Variants in SV2C observed in about 807,000 individuals in gnomAD.
The protein encoded by SV2C is synaptic vesicle glycoprotein 2C.
SV2C carries 49 observed loss-of-function variants against 79.7 expected under a neutral mutation model. That is an observed-to-expected ratio of 0.61 (90% CI 0.49 to 0.78). The LOEUF (loss-of-function observed/expected upper bound fraction) is 0.78, where lower values mean the gene tolerates loss of function less well. Ranked by LOEUF, SV2C falls within the 30% of genes least tolerant of loss-of-function variation. The pLI is 0.00. For missense variants in SV2C, 833 were observed against 912.9 expected, an observed-to-expected ratio of 0.91 and a Z score of 1.13; for synonymous variants, 334 against 333.2, an observed-to-expected ratio of 1.00 and a Z score of -0.03.
At chr5:76,263,796 C>G (rs1295646671) in intron 4 of SV2C, among the ~76,000 whole-genome samples, 2 of 151,958 alleles carry the variant, frequency 1.3e-5, no homozygotes, top group African/African-American at 4.8e-5. Context: ...CTCCCACTCT[C>G]TTCCGGTGAG....
chr5:76,132,471 T>C, intron 2 of SV2C, 141 bp downstream of exon 2: 1 of 809,918 alleles, frequency 1.2e-6, no homozygotes, highest in Admixed American at 3.3e-5. Flanking sequence ...ACTTTAAGCA[T>C]ACAAAAGAAT....
At chr5:76,073,170 A>C in the SV2C span, among the ~76,000 whole-genome samples, 71 of 152,250 alleles carry the variant, frequency 4.7e-4, no homozygotes, top group African/African-American at 1.7e-3. Flanking sequence ...TGCTTAAGCC[A>C]ATGTCTAGAA....
chr5:75,901,241 G>A, the SV2C span, among the ~76,000 whole-genome samples: 1 of 152,106 alleles, frequency 6.6e-6, no homozygotes, highest in African/African-American at 2.4e-5. Flanking sequence ...CTTTGATGAT[G>A]GTGATGTACA....
At chr5:76,077,595 A>G in the SV2C span, among the ~76,000 whole-genome samples, 10 of 152,216 alleles carry the variant, frequency 6.6e-5, no homozygotes, top group Non-Finnish European at 1.3e-4. Flanking sequence ...AATTTTGGAA[A>G]GGAAATGGGG....
chr5:76,075,012 A>G, the SV2C span, among the ~76,000 whole-genome samples: 5 of 152,262 alleles, frequency 3.3e-5, no homozygotes, highest in East Asian at 7.7e-4. Context: ...AAAAGTCTCT[A>G]ACTTAAAGTG....
rs1225615679 is a variant in SV2C at position 76,241,988 on chromosome 5, C to T, written c.913+32101C>T. ...AAAATAGTATTTCAAACTGTACAGT[C>T]ACCAGAAGTACACAGTTATCAAAAA... On this transcript the variant is annotated intron_variant, in intron 4 of 12. Coordinates refer to ENST00000502798, the MANE Select transcript of SV2C (RefSeq NM_014979.4). 3 of 1,051,528 alleles carry T rather than the reference C, an allele frequency of 2.9e-6. No individual in the cohort carries two copies. In the Admixed American group the frequency reaches 5.1e-5, roughly 18 times the overall value. The allele number at this position is 1,051,528 out of a possible 1,614,324, so 65.1% of individuals were successfully genotyped here.
At chr5:76,314,237 T>A (rs1458930664) in intron 12 of SV2C, among the ~76,000 whole-genome samples, 1 of 152,148 alleles carries the variant, frequency 6.6e-6, no homozygotes, top group African/African-American at 2.4e-5. Flanking sequence ...CCGTATGGGG[T>A]CCAGCCTCCC....
the SV2C span, among the ~76,000 whole-genome samples, chr5:75,865,231 T>C: frequency 6.6e-6 from 1 of 152,226 alleles, no homozygotes; most frequent in Non-Finnish European, 1.5e-5. Flanking sequence ...TCAGAAAGGC[T>C]GGCAGCATTC....
chr5:76,030,272 T>TG, the SV2C span, among the ~76,000 whole-genome samples: 6 of 106,706 alleles, frequency 5.6e-5, no homozygotes, highest in East Asian at 1.3e-3. Context: ...GCTTGTTTTT[T>TG]TTTTTTTTTT....
intron 4 of SV2C, among the ~76,000 whole-genome samples, chr5:76,220,969 T>C (rs1307905879): frequency 6.6e-6 from 1 of 152,164 alleles, no homozygotes; most frequent in African/African-American, 2.4e-5. Flanking sequence ...GTCTTGGAAA[T>C]GTAGAGTAGC....
At chr5:76,234,248 C>G (rs1245535109) in intron 4 of SV2C, among the ~76,000 whole-genome samples, 2 of 152,162 alleles carry the variant, frequency 1.3e-5, no homozygotes, top group Non-Finnish European at 2.9e-5. Flanking sequence ...AATATTTTCT[C>G]TTTTTGCTGC....
At chr5:76,236,398 A>G (rs746053428) in intron 4 of SV2C, among the ~76,000 whole-genome samples, 9 of 152,070 alleles carry the variant, frequency 5.9e-5, no homozygotes, top group Non-Finnish European at 1.2e-4. Flanking sequence ...CCCCGTCTCT[A>G]CTAAAAATAC....
At chr5:76,350,645 A>G (rs1749626191) in intron 12 of SV2C, among the ~76,000 whole-genome samples, 1 of 152,250 alleles carries the variant, frequency 6.6e-6, no homozygotes. Flanking sequence ...AGGGAATAAT[A>G]CATTGTTCCT....
rs1015735569 is a variant in SV2C, at chr5:76,254,230, A to G, written c.914-30932A>G. Among the ~76,000 whole-genome samples the G allele has an allele frequency of 1.8e-4, 27 of 147,948 alleles. No individual in the cohort carries two copies. In the East Asian group the frequency reaches 5.4e-3, roughly 30 times the overall value. On this transcript the variant is annotated intron_variant, in intron 4 of 12. Coordinates refer to ENST00000502798, the MANE Select transcript of SV2C (RefSeq NM_014979.4). ...TGTATATATATGTGTGTGTATATAT[A>G]TGTGTGTGTGTATATATATATATAT...
At chr5:76,340,024 A>C (rs1749410083) in intron 12 of SV2C, among the ~76,000 whole-genome samples, 1 of 152,192 alleles carries the variant, frequency 6.6e-6, no homozygotes, top group Non-Finnish European at 1.5e-5. Flanking sequence ...AAACCCACCA[A>C]AACCGAGATG....
At chr5:76,352,612 C>A (rs574448857) in intron 12 of SV2C, among the ~76,000 whole-genome samples, 366 of 152,276 alleles carry the variant, frequency 2.4e-3, no homozygotes, top group Non-Finnish European at 4.5e-3. Context: ...ACCTCTCAGC[C>A]TTCAGAACTG....
the SV2C span, among the ~76,000 whole-genome samples, chr5:75,973,448 T>C: frequency 2.0e-5 from 3 of 151,506 alleles, no homozygotes; most frequent in African/African-American, 7.3e-5. Flanking sequence ...TGAGTTATGA[T>C]CATGCCACTG....
Position 76,184,770 on chromosome 5 carries a change from A to G in SV2C, c.581-10149A>G, listed in dbSNP as rs201317340. 5.9e-5 allele frequency among the ~76,000 whole-genome samples: 9 copies of G among 152,318 alleles called. No homozygotes were observed. The East Asian group carries it at 1.5e-3, about 26-fold the overall frequency. On this transcript the variant is annotated intron_variant, in intron 2 of 12. Transcript: ENST00000502798. ...GACACGTGGGGATTATTTCAATTCAAGGTGAGATCTGTGGGGACACAGAGC... is the reference window on the plus strand; with the variant it reads ...GACACGTGGGGATTATTTCAATTCAGGGTGAGATCTGTGGGGACACAGAGC...
At chr5:75,901,945 C>T in the SV2C span, among the ~76,000 whole-genome samples, 1 of 152,208 alleles carries the variant, frequency 6.6e-6, no homozygotes, top group Non-Finnish European at 1.5e-5. Context: ...GTCAGAAAAG[C>T]GCAGTATTCG....
Sources: allele counts gnomAD v4.1 joint callset (sites outside exome capture counted in the v4.1 genomes callset), GRCh38; gene constraint gnomAD v4.1.1; transcripts MANE v1.5; gene names NCBI Gene and HGNC (gene_info 2026-07-23, HGNC 2026-07-21).